Variants in METTL18 observed in about 807,000 individuals in gnomAD.
The protein encoded by METTL18 is methyltransferase 18, RPL3 N3(tau)-histidine.
A neutral mutation model predicts 19.6 loss-of-function variants in METTL18; 15 were observed. The observed-to-expected ratio is 0.77, with a 90% CI of 0.51 to 1.18. METTL18 has a LOEUF of 1.18. Among genes scored for constraint, METTL18 ranks in the 50% most tolerant of loss-of-function variants. METTL18 has a pLI of 0.00. For synonymous variants in METTL18, 131 were observed against 145.2 expected (o/e 0.90, Z 0.70); for missense variants, 392 against 418.8 (o/e 0.94, Z 0.56).
Position 169,793,418 on chromosome 1 carries a change from T to C in METTL18, c.278A>G (p.Lys93Arg), listed in dbSNP as rs749973431. The C allele has an allele frequency of 1.9e-5, 31 of 1,614,086 alleles. No homozygotes were observed. The highest frequency in any genetic ancestry group is 5.3e-5 in the African/African-American group (4 of 74,950). Residue 93 changes from lysine (K) to arginine (R), a missense_variant, in exon 2 of 2, where the codon AAA (lysine) becomes AGA (arginine). Transcript: ENST00000310392. ...TTTGGCAGCTCTCAAGGAGGGCTGT[T>C]TTCCATGTGGCTCCAAGTTCCTTGA... The part of the protein sequence containing the change: ...SSSRNLEPHG[K>R]QPSLRAAKEH...
chr1:169,792,727 G>A lies in METTL18; in HGVS notation c.969C>T (p.Ser323=). ...LSKNGRVLLA[S]KAHYFGVGGG... ...CACCTACACCAAAATAATGTGCTTT[G>A]CTGGCCAAAAGTACACGTCCATTTT... The change falls in exon 2 of 2, where the codon AGC becomes AGT. Residue 323 remains serine (S), a synonymous_variant. Transcript: ENST00000310392. 1 of 1,613,816 alleles carries A rather than the reference G, an allele frequency of 6.2e-7. No homozygotes were observed. Among genetic ancestry groups the A allele is most frequent in the South Asian group, 1.1e-5 (1 of 90,940 alleles).
At position 169,793,487 on chromosome 1, in the gene METTL18, G is replaced by C. The variant is rs1487226083; in HGVS notation, c.209C>G (p.Ala70Gly). 1 of 1,614,024 alleles carries C rather than the reference G, an allele frequency of 6.2e-7. No homozygotes were observed. ...LWEHKSMENA[A>G]PSQDTDSPLS... ...TGGACTGTCTGTGTCTTGAGAGGGA[G>C]CTGCATTTTCCATTGACTTATGTTC... The change falls in exon 2 of 2, where the codon GCT (alanine) becomes GGT (glycine). Residue 70 changes from alanine to glycine, a missense_variant. Physicochemically the swap from Ala to Gly is moderately conservative, Grantham distance 60. Coordinates refer to ENST00000310392, the MANE Select transcript of METTL18 (RefSeq NM_033418.4).
rs144732881 is a variant in METTL18 at position 169,793,039 on chromosome 1, G to A, written c.657C>T (p.Asn219=). Residue 219 remains asparagine (N), a synonymous_variant, in exon 2 of 2, where the codon AAC becomes AAT. Transcript: ENST00000310392. The part of the protein sequence containing the change: ...GSKEIHFQDY[N]SMVIDEVTLP... Reference sequence around the variant, plus strand: ...AGGTTACTTCATCAATCACCATACTGTTATAATCTTGAAAGTGAATTTCTT... The same window carrying A: ...AGGTTACTTCATCAATCACCATACTATTATAATCTTGAAAGTGAATTTCTT... The A allele has an allele frequency of 9.6e-4, 1,550 of 1,614,114 alleles. 16 individuals carry two copies. The African/African-American group carries it at 0.018, about 19-fold the overall frequency.
chr1:169,793,209 C>G lies in METTL18; in HGVS notation c.487G>C (p.Glu163Gln). ...CATTCCCAGATTTTTAAGCCTCCCT[C>G]ATAAACACCTGTAATCAGATCAGAG... ...SHSDLITGVY[E>Q]GGLKIWECTF... The change falls in exon 2 of 2, where the codon GAG (glutamate) becomes CAG (glutamine). Residue 163 changes from glutamate (E) to glutamine (Q), a missense_variant. Glu to Gln is a conservative substitution (Grantham distance 29). Transcript: ENST00000310392. 7 of 1,614,198 alleles carry G rather than the reference C, an allele frequency of 4.3e-6. No individual in the cohort carries two copies. Among genetic ancestry groups the G allele is most frequent in the Non-Finnish European group, 5.9e-6 (7 of 1,180,036 alleles).
chr1:169,792,539 TTC>T lies in METTL18; in HGVS notation c.*36_*37del. 2.1e-6 allele frequency: 3 copies of T among 1,459,142 alleles called. No homozygotes were observed. Among genetic ancestry groups the T allele is most frequent in the Non-Finnish European group, 2.7e-6 (3 of 1,101,856 alleles). The allele number at this position is 1,459,142 out of a possible 1,614,324, so 90.4% of individuals were successfully genotyped here. On this transcript the variant is annotated 3_prime_UTR_variant, in exon 2 of 2. Coordinates refer to ENST00000310392, the MANE Select transcript of METTL18 (RefSeq NM_033418.4). Reference sequence around the variant, plus strand: ...AATCAAACACTCAAATTTTTGGTCCTTCTGTTTATTTCATTTTGGATACTCAG... The same window carrying T: ...AATCAAACACTCAAATTTTTGGTCCTTGTTTATTTCATTTTGGATACTCAG...
Position 169,792,919 on chromosome 1 carries a change from T to C in METTL18, c.777A>G (p.Gln259=), listed in dbSNP as rs1650178579. ...VKRCRKPKVT[Q]LYKCRFFSGE... Reference sequence around the variant, plus strand: ...CAGAAAAAAATCGGCATTTATATAGTTGTGTTACTTTTGGTTTCCTGCATC... The same window carrying C: ...CAGAAAAAAATCGGCATTTATATAGCTGTGTTACTTTTGGTTTCCTGCATC... Residue 259 remains glutamine (Q), a synonymous_variant, in exon 2 of 2, where the codon CAA becomes CAG. Transcript: ENST00000310392. 6.2e-7 allele frequency: 1 copy of C among 1,614,142 alleles called. No homozygotes were observed. The highest frequency in any genetic ancestry group is 8.5e-7 in the Non-Finnish European group (1 of 1,180,002).
Position 169,792,905 on chromosome 1 carries a change from C to A in METTL18, c.791G>T (p.Arg264Leu). 1 of 1,614,076 alleles carries A rather than the reference C, an allele frequency of 6.2e-7. No individual in the cohort carries two copies. The highest frequency in any genetic ancestry group is 8.5e-7 in the Non-Finnish European group (1 of 1,180,006). Residue 264 changes from arginine to leucine, a missense_variant, in exon 2 of 2, where the codon CGA becomes CTA. Physicochemically the swap from Arg to Leu is moderately radical, Grantham distance 102. Transcript: ENST00000310392. ...KPKVTQLYKC[R>L]FFSGEWSEFC... is the part of the protein sequence containing the mutation. ...CTCAGACCACTCACCAGAAAAAAAT[C>A]GGCATTTATATAGTTGTGTTACTTT...
In METTL18 at chr1:169,793,604, T is replaced by C. The variant is rs149017105; in HGVS notation, c.92A>G (p.Lys31Arg). ...TTGACTTTCTGAGACTGACAGCTCT[T>C]TTGAGGAATCCAGGGTCAAAGCTCC... Reference protein sequence around the residue: ...RDGALTLDSSKELSVSESQKG... With the variant: ...RDGALTLDSSRELSVSESQKG... Residue 31 changes from lysine (K) to arginine (R), a missense_variant, in exon 2 of 2, where the codon AAA (lysine) becomes AGA (arginine). Physicochemically the swap from Lys to Arg is conservative, Grantham distance 26 (BLOSUM62 2). Transcript: ENST00000310392. 4.5e-5 allele frequency: 72 copies of C among 1,614,086 alleles called. No individual in the cohort carries two copies. The highest frequency in any genetic ancestry group is 5.7e-5 in the Non-Finnish European group (67 of 1,180,040).
chr1:169,792,836 T>TGAG lies in METTL18; in HGVS notation c.859_860insCTC (p.Tyr287delinsSerHis), dbSNP rs1650172896. ...GGTTTCTGAGGTGAGAATGAGATCATATTTTACAAAAAGTTTTTCACTACT... is the reference window on the plus strand; with the variant it reads ...GGTTTCTGAGGTGAGAATGAGATCATGAGATTTTACAAAAAGTTTTTCACTACT... On this transcript the variant is annotated protein_altering_variant, in exon 2 of 2. Coordinates refer to ENST00000310392, the MANE Select transcript of METTL18 (RefSeq NM_033418.4). 1.9e-6 allele frequency: 3 copies of TGAG among 1,613,792 alleles called. No homozygotes were observed. In the East Asian group the frequency reaches 6.7e-5, roughly 36 times the overall value.
In METTL18 at chr1:169,793,616, AG is replaced by A. The variant is rs748269153; in HGVS notation, c.79del (p.Leu27TrpfsTer71). 2 of 1,614,204 alleles carry A rather than the reference AG, an allele frequency of 1.2e-6. No homozygotes were observed. Among genetic ancestry groups the A allele is most frequent in the Admixed American group, 1.7e-5 (1 of 60,022 alleles). ...LTPIRDGALT[L>X]DSSKELSVSE... ...GACTGACAGCTCTTTTGAGGAATCC[AG>A]GGTCAAAGCTCCATCTCTAATGGGT... On this transcript the variant is annotated frameshift_variant, in exon 2 of 2. Transcript: ENST00000310392. LOFTEE classifies it low-confidence loss of function (END_TRUNC).
In METTL18 at chr1:169,792,997, A is replaced by C. The variant is rs1224814778; in HGVS notation, c.699T>G (p.Ala233=). ...IDEVTLPNVV[A]NSTLEDEEND... ...TTTCTTCATCTTCCAAAGTGGAGTT[A>C]GCTACTACATTAGGTAAGGTTACTT... Residue 233 remains alanine (A), a synonymous_variant, in exon 2 of 2, where the codon GCT becomes GCG. Transcript: ENST00000310392. 3 of 1,614,008 alleles carry C rather than the reference A, an allele frequency of 1.9e-6. No individual in the cohort carries two copies. In the African/African-American group the frequency reaches 4.0e-5, roughly 22 times the overall value.
Position 169,793,064 on chromosome 1 carries a change from T to C in METTL18, c.632A>G (p.Lys211Arg), listed in dbSNP as rs1650190725. 6.2e-7 allele frequency: 1 copy of C among 1,614,184 alleles called. No homozygotes were observed. ...GTTATAATCTTGAAAGTGAATTTCTTTGGACCCTCCCTTGAATGCAGTTAT... is the reference window on the plus strand; with the variant it reads ...GTTATAATCTTGAAAGTGAATTTCTCTGGACCCTCCCTTGAATGCAGTTAT... ...LGITAFKGGS[K>R]EIHFQDYNSM... Residue 211 changes from lysine to arginine, a missense_variant, in exon 2 of 2, where the codon AAA (lysine) becomes AGA (arginine). Transcript: ENST00000310392.
In METTL18 at chr1:169,792,984, C is replaced by T. The variant is rs376130888; in HGVS notation, c.712G>A (p.Glu238Lys). 1.9e-6 allele frequency: 3 copies of T among 1,613,882 alleles called. No individual in the cohort carries two copies. The African/African-American group carries it at 4.0e-5, about 22-fold the overall frequency. Residue 238 changes from glutamate to lysine, a missense_variant, in exon 2 of 2, where the codon GAA becomes AAA. Physicochemically the swap from Glu to Lys is moderately conservative, Grantham distance 56. Coordinates refer to ENST00000310392, the MANE Select transcript of METTL18 (RefSeq NM_033418.4). ...TCATTTACATCATTTTCTTCATCTT[C>T]CAAAGTGGAGTTAGCTACTACATTA... ...LPNVVANSTL[E>K]DEENDVNEPD...
chr1:169,793,798 TG>T lies in METTL18; in HGVS notation c.-104del. The T allele has an allele frequency of 2.7e-6, 3 of 1,117,878 alleles. No homozygotes were observed. Among genetic ancestry groups the T allele is most frequent in the Non-Finnish European group, 1.3e-6 (1 of 799,278 alleles). 69.2% of individuals were successfully genotyped at this position (1,117,878 alleles called of 1,614,324 possible). ...GCCTCAATTATTCAATTAGTTTTGT[TG>T]GGCCCAATTTCTCTTTAGCAGCTTA... On this transcript the variant is annotated 5_prime_UTR_variant, in exon 2 of 2. It removes the in-frame stop codon of an upstream open reading frame in the 5' UTR. Coordinates refer to ENST00000310392, the MANE Select transcript of METTL18 (RefSeq NM_033418.4).
At position 169,792,744 on chromosome 1, in the gene METTL18, G is replaced by T. The variant is rs145089880; in HGVS notation, c.952C>A (p.Arg318Ser). Reference protein sequence around the residue: ...TFLRLLSKNGRVLLASKAHYF... With the variant: ...TFLRLLSKNGSVLLASKAHYF... Reference sequence around the variant, plus strand: ...TGTGCTTTGCTGGCCAAAAGTACACGTCCATTTTTACTTAACAGTCTAAGG... The same window carrying T: ...TGTGCTTTGCTGGCCAAAAGTACACTTCCATTTTTACTTAACAGTCTAAGG... Residue 318 changes from arginine to serine, a missense_variant, in exon 2 of 2, where the codon CGT (arginine) becomes AGT (serine). Transcript: ENST00000310392. 1.2e-6 allele frequency: 2 copies of T among 1,613,602 alleles called. No homozygotes were observed. Among genetic ancestry groups the T allele is most frequent in the Non-Finnish European group, 1.7e-6 (2 of 1,179,934 alleles).
intron 1 of METTL18, among the ~76,000 whole-genome samples, chr1:169,794,236 A>G (rs1309038435): frequency 6.6e-6 from 1 of 152,206 alleles, no homozygotes; most frequent in Non-Finnish European, 1.5e-5. Context: ...ATTTGTGTCC[A>G]ACCATATTCA....
Position 169,792,729 on chromosome 1 carries a change from T to C in METTL18, c.967A>G (p.Ser323Gly). ...LSKNGRVLLASKAHYFGVGGG... is the reference protein window; with the variant it reads ...LSKNGRVLLAGKAHYFGVGGG... ...CCTACACCAAAATAATGTGCTTTGCTGGCCAAAAGTACACGTCCATTTTTA... is the reference window on the plus strand; with the variant it reads ...CCTACACCAAAATAATGTGCTTTGCCGGCCAAAAGTACACGTCCATTTTTA... Residue 323 changes from serine to glycine, a missense_variant, in exon 2 of 2, where the codon AGC becomes GGC. Physicochemically the swap from Ser to Gly is moderately conservative, Grantham distance 56. Transcript: ENST00000310392. 1 of 1,613,946 alleles carries C rather than the reference T, an allele frequency of 6.2e-7. No individual in the cohort carries two copies. The highest frequency in any genetic ancestry group is 8.5e-7 in the Non-Finnish European group (1 of 1,179,974).
chr1:169,793,904 A>AC lies in METTL18; in HGVS notation c.-202-8_-202-7insG. ...GTCCTCTTTCCAAGCAGCTCTGGAA[A>AC]GAAAAAAAAAAAAAAAAGAAAGAAA... On this transcript the variant is annotated splice_region_variant and splice_polypyrimidine_tract_variant and intron_variant, in intron 1 of 1. Coordinates refer to ENST00000310392, the MANE Select transcript of METTL18 (RefSeq NM_033418.4). 2.6e-6 allele frequency: 1 copy of AC among 390,724 alleles called. No individual in the cohort carries two copies. 24.2% of individuals were successfully genotyped at this position (390,724 alleles called of 1,614,324 possible).
chr1:169,794,011 A>G, intron 1 of METTL18, 114 bp from the exon 2 acceptor site: 1 of 212,214 alleles, frequency 4.7e-6, no homozygotes, highest in Admixed American at 5.8e-5. Flanking sequence ...CCCACCATAC[A>G]GCTGCTTTTT....
Sources: allele counts gnomAD v4.1 joint callset (sites outside exome capture counted in the v4.1 genomes callset), GRCh38; gene constraint gnomAD v4.1.1; transcripts MANE v1.5; gene names NCBI Gene and HGNC (gene_info 2026-07-23, HGNC 2026-07-21).